Variants in TMEM132D observed in about 807,000 individuals in gnomAD.
TMEM132D encodes the protein mature OL transmembrane protein.
In TMEM132D, 21 loss-of-function variants were observed where a neutral mutation model predicts 62.3. The observed-to-expected ratio is 0.34, with a 90% CI of 0.24 to 0.49. The LOEUF (loss-of-function observed/expected upper bound fraction) is 0.49. TMEM132D is among the 20% of genes least tolerant of loss of function. TMEM132D has a pLI of 0.99. For synonymous variants in TMEM132D, 621 were observed against 575.6 expected (o/e 1.08, Z -1.13); for missense variants, 1,346 against 1,402.8 (o/e 0.96, Z 0.65).
chr12:129,816,021 T>C (rs540782893), intron 1 of TMEM132D, among the ~76,000 whole-genome samples: 1 of 152,350 alleles, frequency 6.6e-6, no homozygotes, highest in South Asian at 2.1e-4. Flanking sequence ...GCCCATGTTG[T>C]GTGGAACACG....
intron 3 of TMEM132D, among the ~76,000 whole-genome samples, chr12:129,516,720 G>A (rs1014951807): frequency 6.6e-6 from 1 of 152,192 alleles, no homozygotes. Context: ...GAACTAAGGG[G>A]ATGTACTAAC....
intron 3 of TMEM132D, among the ~76,000 whole-genome samples, chr12:129,396,710 C>G (rs1185178184): frequency 6.6e-6 from 1 of 152,146 alleles, no homozygotes; most frequent in African/African-American, 2.4e-5. Flanking sequence ...TCACTCATTG[C>G]TAATGATTCT....
At chr12:129,138,282 G>T (rs1459216778) in intron 5 of TMEM132D, among the ~76,000 whole-genome samples, 1 of 152,048 alleles carries the variant, frequency 6.6e-6, no homozygotes, top group Non-Finnish European at 1.5e-5. Context: ...TTTAAATGTT[G>T]GCCACTATCC....
intron 1 of TMEM132D, among the ~76,000 whole-genome samples, chr12:129,730,249 T>C (rs1270600544): frequency 1.3e-5 from 2 of 152,218 alleles, no homozygotes; most frequent in African/African-American, 4.8e-5. Flanking sequence ...CAATGAATTG[T>C]TCACAGTTTG....
chr12:129,788,267 A>G (rs1871296854), intron 1 of TMEM132D, among the ~76,000 whole-genome samples: 1 of 152,230 alleles, frequency 6.6e-6, no homozygotes, highest in Admixed American at 6.5e-5. Context: ...TTCTCCATTT[A>G]ACCTACTATT....
chr12:129,630,757 G>A (rs1879328905), intron 2 of TMEM132D, among the ~76,000 whole-genome samples: 1 of 152,052 alleles, frequency 6.6e-6, no homozygotes, highest in African/African-American at 2.4e-5. Context: ...TGTTATATGG[G>A]TAAACTTGTG....
chr12:129,420,392 G>A (rs1872279191), intron 3 of TMEM132D, among the ~76,000 whole-genome samples: 1 of 136,506 alleles, frequency 7.3e-6, no homozygotes, highest in Non-Finnish European at 1.5e-5. Context: ...TACAAAACCT[G>A]CTTCTGACAG....
intron 4 of TMEM132D, among the ~76,000 whole-genome samples, chr12:129,316,953 A>G (rs1008126508): frequency 3.9e-5 from 6 of 152,114 alleles, no homozygotes; most frequent in East Asian, 1.9e-4. Context: ...TTTGTCTGTT[A>G]TAAGAGTAGC....
At chr12:129,635,913 G>A (rs1039964331) in intron 2 of TMEM132D, among the ~76,000 whole-genome samples, 1 of 152,214 alleles carries the variant, frequency 6.6e-6, no homozygotes, top group South Asian at 2.1e-4. Context: ...GTTCAGTGCA[G>A]AAACACTGGA....
chr12:129,712,260 A>T (rs1242245510), intron 1 of TMEM132D, among the ~76,000 whole-genome samples: 1 of 152,016 alleles, frequency 6.6e-6, no homozygotes, highest in Non-Finnish European at 1.5e-5. Flanking sequence ...AAGTAGCTGA[A>T]ATTACAGGCT....
chr12:129,180,643 A>G (rs1407304548), intron 5 of TMEM132D, among the ~76,000 whole-genome samples: 3 of 152,214 alleles, frequency 2.0e-5, no homozygotes, highest in East Asian at 1.9e-4. Flanking sequence ...AGAAGCAGGC[A>G]GTCAGGAAAG....
At chr12:129,811,259 A>C (rs1306655883) in intron 1 of TMEM132D, among the ~76,000 whole-genome samples, 2 of 151,170 alleles carry the variant, frequency 1.3e-5, no homozygotes, top group African/African-American at 4.9e-5. Flanking sequence ...TATGCCCAAC[A>C]CTTAGTGAGT....
chr12:129,199,250 C>T (rs1379678599), intron 5 of TMEM132D, among the ~76,000 whole-genome samples: 4 of 151,798 alleles, frequency 2.6e-5, no homozygotes, highest in African/African-American at 9.7e-5. Flanking sequence ...GCTAGGATAA[C>T]AGGCATGCAC....
chr12:129,756,858 T>C (rs1030293041), intron 1 of TMEM132D, among the ~76,000 whole-genome samples: 2 of 152,230 alleles, frequency 1.3e-5, no homozygotes, highest in Admixed American at 1.3e-4. Flanking sequence ...TCTGCAACCC[T>C]TGCTTGCTTG....
chr12:129,432,842 G>A (rs1872698339), intron 3 of TMEM132D, among the ~76,000 whole-genome samples: 1 of 152,198 alleles, frequency 6.6e-6, no homozygotes, highest in Non-Finnish European at 1.5e-5. Flanking sequence ...GGATGGGTCA[G>A]TGCAAGGTGA....
intron 3 of TMEM132D, among the ~76,000 whole-genome samples, chr12:129,482,988 TGTGG>T (rs1349573625): frequency 2.3e-5 from 3 of 128,024 alleles, no homozygotes; most frequent in South Asian, 2.7e-4. Flanking sequence ...TGTGTGTGTG[TGTGG>T]AAGAGGATGC....
chr12:129,896,004 T>C (rs1875110133), intron 1 of TMEM132D, among the ~76,000 whole-genome samples: 1 of 144,594 alleles, frequency 6.9e-6, no homozygotes, highest in Admixed American at 7.1e-5. Context: ...AGGGTCTCAC[T>C]CTGTCACTCA....
intron 5 of TMEM132D, among the ~76,000 whole-genome samples, chr12:129,090,969 C>T (rs1444365265): frequency 6.6e-6 from 1 of 152,122 alleles, no homozygotes; most frequent in Non-Finnish European, 1.5e-5. Flanking sequence ...TGTCTCCACC[C>T]AAAAGTGGAG....
chr12:129,544,191 AT>A (rs1362600351), intron 2 of TMEM132D, among the ~76,000 whole-genome samples: 1 of 152,104 alleles, frequency 6.6e-6, no homozygotes, highest in African/African-American at 2.4e-5. Flanking sequence ...GGTATTGAAC[AT>A]TTTTTCACAT....
Sources: allele counts gnomAD v4.1 joint callset (sites outside exome capture counted in the v4.1 genomes callset), GRCh38; gene constraint gnomAD v4.1.1; transcripts MANE v1.5; gene names NCBI Gene and HGNC (gene_info 2026-07-23, HGNC 2026-07-21).